Variants in PTPN2 observed in about 807,000 individuals in gnomAD.
PTPN2 encodes the protein protein tyrosine phosphatase non-receptor type 2.
A neutral mutation model predicts 57.3 loss-of-function variants in PTPN2; 19 were observed. That is an observed-to-expected ratio of 0.33 (90% confidence interval 0.23 to 0.49). The LOEUF (loss-of-function observed/expected upper bound fraction) is 0.49, where lower values mean the gene tolerates loss of function less well. Ranked by LOEUF, PTPN2 falls within the 20% of genes least tolerant of loss-of-function variation. PTPN2 has a pLI of 0.99. For synonymous variants in PTPN2, 153 were observed against 164.9 expected (o/e 0.93, Z 0.55); for missense variants, 358 against 501.1 (o/e 0.71, Z 2.73).
intron 7 of PTPN2, among the ~76,000 whole-genome samples, chr18:12,810,930 C>T (rs964009299): frequency 6.6e-6 from 1 of 152,188 alleles, no homozygotes; most frequent in East Asian, 1.9e-4. Flanking sequence ...AGGATGTCTT[C>T]ACTTAGATGA....
intron 2 of PTPN2, among the ~76,000 whole-genome samples, chr18:12,849,883 A>G (rs1006142773): frequency 2.1e-4 from 32 of 152,144 alleles, no homozygotes; most frequent in Admixed American, 1.1e-3. Context: ...CTAAAAAATC[A>G]TATTTACTGC....
intron 8 of PTPN2, among the ~76,000 whole-genome samples, chr18:12,795,195 A>G (rs991717457): frequency 1.3e-5 from 2 of 152,140 alleles, no homozygotes; most frequent in Non-Finnish European, 2.9e-5. Flanking sequence ...GCTATTTAAT[A>G]TTTCCATGAA....
At chr18:12,829,696 T>C (rs1049908900) in intron 4 of PTPN2, among the ~76,000 whole-genome samples, 4 of 152,064 alleles carry the variant, frequency 2.6e-5, no homozygotes, top group Admixed American at 6.6e-5. Flanking sequence ...TGGTCATCTG[T>C]TGAGAACAGA....
intron 7 of PTPN2, among the ~76,000 whole-genome samples, chr18:12,812,268 C>CT (rs1275039841): frequency 6.6e-6 from 1 of 152,164 alleles, no homozygotes; most frequent in East Asian, 1.9e-4. Flanking sequence ...TGAATACATG[C>CT]TTTAAGATTA....
chr18:12,883,998 G>C, intron 1 of PTPN2, 75 bp downstream of exon 1: 4 of 1,332,630 alleles, frequency 3.0e-6, no homozygotes, highest in Middle Eastern at 2.0e-4. Flanking sequence ...GGGGAGGCGG[G>C]AGGGACCCTG....
In PTPN2 at chr18:12,883,845, C is replaced by G. The variant is rs1156877530; in HGVS notation, c.69+228G>C. 5 of 438,148 alleles carry G rather than the reference C, an allele frequency of 1.1e-5. No individual in the cohort carries two copies. In the East Asian group the frequency reaches 1.9e-4, roughly 17 times the overall value. 27.1% of individuals were successfully genotyped at this position (438,148 alleles called of 1,614,324 possible). The stretch of plus-strand genomic sequence containing the variant: ...CCAGAACTAACTGCGCTTGCGCTAA[C>G]CATGAGCTGCTCAGCTCAAGTATGC... On this transcript the variant is annotated intron_variant, in intron 1 of 8. Coordinates refer to ENST00000309660, the MANE Select transcript of PTPN2 (RefSeq NM_002828.4).
At chr18:12,843,462 G>A (rs986407265) in intron 2 of PTPN2, among the ~76,000 whole-genome samples, 1 of 152,038 alleles carries the variant, frequency 6.6e-6, no homozygotes, top group Admixed American at 6.5e-5. Flanking sequence ...CCCCAATCCC[G>A]AGTACAGCTG....
intron 4 of PTPN2, among the ~76,000 whole-genome samples, chr18:12,828,418 G>T (rs1375506248): frequency 6.6e-6 from 1 of 152,028 alleles, no homozygotes; most frequent in Non-Finnish European, 1.5e-5. Flanking sequence ...ACCAGGAAGA[G>T]AATGAAAAAA....
intron 2 of PTPN2, among the ~76,000 whole-genome samples, chr18:12,854,424 T>A (rs1319881494): frequency 6.7e-6 from 1 of 150,160 alleles, no homozygotes; most frequent in African/African-American, 2.5e-5. Flanking sequence ...GAAATTAGTA[T>A]TAGTGACGTG....
At chr18:12,872,948 C>T (rs2044318952) in intron 1 of PTPN2, among the ~76,000 whole-genome samples, 2 of 152,148 alleles carry the variant, frequency 1.3e-5, no homozygotes, top group Non-Finnish European at 2.9e-5. Context: ...AGGCTGGACG[C>T]GGTGGCTCAC....
In PTPN2 at chr18:12,851,499, A is replaced by G. The variant is rs2043393092; in HGVS notation, c.160+7665T>C. On this transcript the variant is annotated intron_variant, in intron 2 of 8. Transcript: ENST00000309660. ...AGACTCCGTCTCAAAAAAAAAAAAA[A>G]AAAAAGAAAAAAGAATAATATTATA... Among the ~76,000 whole-genome samples the G allele has an allele frequency of 4.6e-4, 4 of 8,746 alleles. 2 individuals are homozygous for G. The highest frequency in any genetic ancestry group is 7.2e-4 in the African/African-American group (4 of 5,540). The allele number at this position is 8,746 out of a possible 152,430, so 5.7% of individuals were successfully genotyped here. A position where few individuals can be genotyped will look rare whatever the true frequency, so the allele number is the denominator to read the frequency against.
In PTPN2 at chr18:12,838,813, T is replaced by C. The variant is rs546127007; in HGVS notation, c.161-1922A>G. 1.8e-3 allele frequency among the ~76,000 whole-genome samples: 281 copies of C among 152,268 alleles called. 1 individual carries two copies. The highest frequency in any genetic ancestry group is 6.4e-3 in the African/African-American group (267 of 41,560). On this transcript the variant is annotated intron_variant, in intron 2 of 8. Coordinates refer to ENST00000309660, the MANE Select transcript of PTPN2 (RefSeq NM_002828.4). The stretch of plus-strand genomic sequence containing the variant: ...GCCTGTATTTTCTTCTCAAGGCTGA[T>C]TAAAAACAAAACTGAAATACCTACA...
intron 2 of PTPN2, among the ~76,000 whole-genome samples, chr18:12,842,695 AG>A (rs2043084266): frequency 2.0e-5 from 3 of 152,348 alleles, no homozygotes; most frequent in South Asian, 4.1e-4. Context: ...TCTGCAGTTT[AG>A]GTTCGGAGAG....
rs182082600 is a variant in PTPN2 at position 12,803,852 on chromosome 18, T to G, written c.859-1701A>C. ...TAAAATCAACAAAAAAACATTGGAT[T>G]TAAACTGCACTCTAGGCCAAATGGA... On this transcript the variant is annotated intron_variant, in intron 7 of 8. Coordinates refer to ENST00000309660, the MANE Select transcript of PTPN2 (RefSeq NM_002828.4). Among the ~76,000 whole-genome samples the G allele has an allele frequency of 2.9e-3, 445 of 152,194 alleles. 1 individual carries two copies. The highest frequency in any genetic ancestry group is 0.01 in the African/African-American group (435 of 41,510).
chr18:12,815,867 A>G (rs746910418), intron 6 of PTPN2, among the ~76,000 whole-genome samples: 2 of 152,218 alleles, frequency 1.3e-5, no homozygotes, highest in Non-Finnish European at 2.9e-5. Flanking sequence ...AAGCATCATC[A>G]TATTAATTCA....
chr18:12,860,413 A>T (rs1350039416), intron 1 of PTPN2, among the ~76,000 whole-genome samples: 1 of 151,674 alleles, frequency 6.6e-6, no homozygotes, highest in Non-Finnish European at 1.5e-5. Flanking sequence ...CCTGGCCAGG[A>T]TGGTGAAACC....
chr18:12,843,232 G>A (rs2043104592), intron 2 of PTPN2, among the ~76,000 whole-genome samples: 1 of 152,028 alleles, frequency 6.6e-6, no homozygotes, highest in Non-Finnish European at 1.5e-5. Flanking sequence ...TATGATAAGG[G>A]GCACTCAGGG....
intron 7 of PTPN2, among the ~76,000 whole-genome samples, chr18:12,804,289 C>CAAAAAAAAAAA (rs59927276): frequency 7.6e-4 from 51 of 67,498 alleles, no homozygotes; most frequent in South Asian, 1.3e-3. Flanking sequence ...GAAACTGTCT[C>CAAAAAAAAAAA]AAAAAAAAAA....
intron 2 of PTPN2, among the ~76,000 whole-genome samples, chr18:12,842,849 T>G (rs142932665): frequency 1.1e-3 from 162 of 151,528 alleles, no homozygotes; most frequent in African/African-American, 3.7e-3. Context: ...GTTTATATGA[T>G]GAATTCCAGA....
Sources: gnomAD v4.1 joint callset for allele counts (sites outside exome capture counted in the v4.1 genomes callset) on GRCh38, gnomAD v4.1.1 for gene constraint, MANE v1.5 for transcripts, NCBI Gene and HGNC (gene_info 2026-07-23, HGNC 2026-07-21) for gene names.